Variants in DUOX1 observed in about 807,000 individuals in gnomAD.
The protein encoded by DUOX1 is dual oxidase 1.
In DUOX1, 134 loss-of-function variants were observed where a neutral mutation model predicts 181.8. That is an observed-to-expected ratio of 0.74 (90% CI 0.64 to 0.85). DUOX1 has a LOEUF of 0.85. Among genes scored for constraint, DUOX1 ranks in the 40% least tolerant of loss-of-function variants. DUOX1 has a pLI of 0.00. For missense variants in DUOX1, 1,814 were observed against 2,064.4 expected, an observed-to-expected ratio of 0.88 and a Z score of 2.35; for synonymous variants, 798 against 832.5, an observed-to-expected ratio of 0.96 and a Z score of 0.71.
At chr15:45,135,978 C>T in intron 7 of DUOX1, 30 bp downstream of exon 7, 1 of 1,100,372 alleles carries the variant, frequency 9.1e-7, no homozygotes, top group Non-Finnish European at 1.3e-6. Flanking sequence ...CGACGTCCTC[C>T]CTTCCGCGTG....
intron 16 of DUOX1, 99 bp from the exon 17 acceptor site, chr15:45,143,937 T>C: frequency 8.6e-7 from 1 of 1,165,028 alleles, no homozygotes; most frequent in South Asian, 1.4e-5. Flanking sequence ...CAATGAACTG[T>C]GGAGGCCTTG....
At chr15:45,137,297 T>C (rs1896348541) in intron 9 of DUOX1, among the ~76,000 whole-genome samples, 1 of 141,702 alleles carries the variant, frequency 7.1e-6, no homozygotes, top group African/African-American at 2.6e-5. Context: ...AAGGCGGAGG[T>C]TGCGGTGAGC....
In DUOX1 at chr15:45,165,493, C is replaced by T. The variant is rs940565725; in HGVS notation, c.*592C>T. 5 of 153,144 alleles carry T rather than the reference C, an allele frequency of 3.3e-5. No individual in the cohort carries two copies. Among genetic ancestry groups the T allele is most frequent in the African/African-American group, 7.2e-5 (3 of 41,470 alleles). 9.5% of individuals were successfully genotyped at this position (153,144 alleles called of 1,614,324 possible). ...GCACGTTCTTTCATCAGACCCTGGC[C>T]CAATACCTATGTATGCAATGCTCCT... On this transcript the variant is annotated 3_prime_UTR_variant, in exon 34 of 34. Coordinates refer to ENST00000389037, the MANE Select transcript of DUOX1 (RefSeq NM_175940.3).
intron 22 of DUOX1, 105 bp from the exon 23 acceptor site, chr15:45,151,015 ACAG>A (rs1157038869): frequency 2.0e-6 from 3 of 1,495,256 alleles, no homozygotes; most frequent in African/African-American, 1.4e-5. Context: ...CCCCTTGCTG[ACAG>A]CTCTGATCCT....
Position 45,143,992 on chromosome 15 carries a change from T to C in DUOX1, c.1937-44T>C, listed in dbSNP as rs1218672380. 5 of 1,603,402 alleles carry C rather than the reference T, an allele frequency of 3.1e-6. No individual in the cohort carries two copies. The African/African-American group carries it at 4.0e-5, about 13-fold the overall frequency. Reference sequence around the variant, plus strand: ...CTGGCCCTCTTCCTCCCAATGTACCTCTGATGGGTCCCAGCTGACGAAGCC... The same window carrying C: ...CTGGCCCTCTTCCTCCCAATGTACCCCTGATGGGTCCCAGCTGACGAAGCC... On this transcript the variant is annotated intron_variant, in intron 16 of 33. Transcript: ENST00000389037.
intron 25 of DUOX1, 132 bp from the exon 26 acceptor site, chr15:45,153,245 AGAG>A (rs1258183397): frequency 2.2e-6 from 1 of 456,030 alleles, no homozygotes; most frequent in Admixed American, 3.4e-5. Context: ...AAAAAAAAAA[AGAG>A]GTCAGAAGTC....
At position 45,153,876 on chromosome 15, in the gene DUOX1, G is replaced by C. The variant is rs1896896269; in HGVS notation, c.3525-75G>C. The C allele has an allele frequency of 3.8e-6, 5 of 1,318,928 alleles. No individual in the cohort carries two copies. In the African/African-American group the frequency reaches 8.3e-5, roughly 22 times the overall value. 81.7% of individuals were successfully genotyped at this position (1,318,928 alleles called of 1,614,324 possible). On this transcript the variant is annotated intron_variant, in intron 26 of 33. Coordinates refer to ENST00000389037, the MANE Select transcript of DUOX1 (RefSeq NM_175940.3). ...CACTCCAGCCTGGGTGACAGAGCAA[G>C]ACTCTGCCTCAAAAAAAAAAAAAAG...
chr15:45,130,542 A>G (rs1896083956), intron 1 of DUOX1, among the ~76,000 whole-genome samples: 2 of 152,228 alleles, frequency 1.3e-5, no homozygotes, highest in Non-Finnish European at 2.9e-5. Flanking sequence ...GGGCAAGAAC[A>G]GGCAGGCCTG....
At chr15:45,161,672 G>C (rs1897106277) in intron 29 of DUOX1, 66 bp from the exon 30 acceptor site, 2 of 1,419,966 alleles carry the variant, frequency 1.4e-6, no homozygotes, top group African/African-American at 1.4e-5. Flanking sequence ...TGGGTGGGGA[G>C]CTCTCTGGAG....
intron 28 of DUOX1, among the ~76,000 whole-genome samples, chr15:45,159,237 T>C (rs1354092405): frequency 6.6e-6 from 1 of 152,166 alleles, no homozygotes; most frequent in African/African-American, 2.4e-5. Context: ...GTGGCTCAGC[T>C]GAGAGGCCAT....
intron 22 of DUOX1, 84 bp downstream of exon 22, chr15:45,150,785 G>A (rs1045324417): frequency 1.5e-5 from 20 of 1,291,886 alleles, no homozygotes; most frequent in Admixed American, 3.6e-5. Flanking sequence ...CAGGGCCACC[G>A]CTAGCCCATG....
At chr15:45,131,484 A>G (rs762887546) in intron 1 of DUOX1, 4 of 164,124 alleles carry the variant, frequency 2.4e-5, no homozygotes, top group Non-Finnish European at 4.0e-5. Context: ...GAAGAGGAAA[A>G]CAAGGATCAG....
At chr15:45,143,901 A>C in intron 16 of DUOX1, 135 bp from the exon 17 acceptor site, 2 of 768,900 alleles carry the variant, frequency 2.6e-6, no homozygotes, top group Non-Finnish European at 4.3e-6. Flanking sequence ...CAGGGAGGGA[A>C]TGACTCTCAG....
At position 45,148,453 on chromosome 15, in the gene DUOX1, G is replaced by A. The variant is rs746756568; in HGVS notation, c.2818+6G>A. On this transcript the variant is annotated splice_donor_region_variant and intron_variant, in intron 21 of 33. Coordinates refer to ENST00000389037, the MANE Select transcript of DUOX1 (RefSeq NM_175940.3). ...CACGCAGCTCTGTGTCAAAGGTGGG[G>A]CAGCCTGGTAGGCAGCACTGACTCA... The A allele has an allele frequency of 8.7e-6, 14 of 1,608,622 alleles. No individual in the cohort carries two copies. Among genetic ancestry groups the A allele is most frequent in the Non-Finnish European group, 1.1e-5 (13 of 1,176,458 alleles).
chr15:45,153,593 C>G, intron 26 of DUOX1, 114 bp downstream of exon 26: 2 of 1,124,076 alleles, frequency 1.8e-6, no homozygotes, highest in South Asian at 2.5e-5. Context: ...TATCTGGCTC[C>G]AGAGGAGACT....
chr15:45,163,945 C>T (rs1897167487), intron 33 of DUOX1, 27 bp downstream of exon 33: 1 of 1,609,582 alleles, frequency 6.2e-7, no homozygotes, highest in Non-Finnish European at 8.5e-7. Flanking sequence ...ACCAGGTTCT[C>T]TTCCTCTTTA....
chr15:45,146,705 C>T (rs1259360109), intron 18 of DUOX1, among the ~76,000 whole-genome samples: 1 of 152,210 alleles, frequency 6.6e-6, no homozygotes, highest in African/African-American at 2.4e-5. Flanking sequence ...CTTCCCACTA[C>T]AGCACCTTGT....
At chr15:45,157,521 AG>A (rs1319132785) in intron 28 of DUOX1, among the ~76,000 whole-genome samples, 24 of 152,094 alleles carry the variant, frequency 1.6e-4, no homozygotes, top group Non-Finnish European at 3.1e-4. Flanking sequence ...CAGGAAAGTC[AG>A]GGGTTCGAAA....
Position 45,141,015 on chromosome 15 carries a change from C to A in DUOX1, c.1510C>A (p.Gln504Lys), listed in dbSNP as rs1409192632. 3 of 1,614,216 alleles carry A rather than the reference C, an allele frequency of 1.9e-6. No homozygotes were observed. The highest frequency in any genetic ancestry group is 2.2e-5 in the East Asian group (1 of 44,886). Residue 504 changes from glutamine to lysine, a missense_variant, in exon 13 of 34, where the codon CAA becomes AAA. By Grantham distance (53) the Gln-to-Lys change is moderately conservative. This residue lies in a region of DUOX1 where 1,064 missense variants were observed against 1,152.9 expected (regional missense o/e 0.92). Transcript: ENST00000389037. ...GPLFSTIVLE[Q>K]FVRLRDGDRY... ...TCTGTTCAGCACCATCGTCCTTGAA[C>A]AATTTGTGCGGCTACGGGATGGTGA...
Sources: allele counts gnomAD v4.1 joint callset (sites outside exome capture counted in the v4.1 genomes callset), GRCh38; gene constraint gnomAD v4.1.1; regional missense constraint gnomAD v4.1.1; transcripts MANE v1.5; gene names NCBI Gene and HGNC (gene_info 2026-07-23, HGNC 2026-07-21).